ADGRE1: variants seen among roughly 807,000 people sequenced by gnomAD.
ADGRE1 encodes the protein adhesion G protein-coupled receptor E1.
ADGRE1 carries 82 observed loss-of-function variants against 102.7 expected under a neutral mutation model. That is an observed-to-expected ratio of 0.80 (90% confidence interval 0.67 to 0.96). The LOEUF is 0.96. Among genes scored for constraint, ADGRE1 ranks in the 40% least tolerant of loss-of-function variants. ADGRE1 has a pLI of 0.00. For synonymous variants in ADGRE1, 398 were observed against 399.6 expected, an observed-to-expected ratio of 1.00 and a Z score of 0.05; for missense variants, 1,032 against 1,085.3, an observed-to-expected ratio of 0.95 and a Z score of 0.69.
chr19:6,903,526 C>G (rs454176), intron 6 of ADGRE1, among the ~76,000 whole-genome samples: 56,265 of 151,988 alleles, frequency 0.37, 12,237 homozygotes, highest in African/African-American at 0.6. Context: ...TTCCTTAGAG[C>G]CTTGGTGTTC....
intron 17 of ADGRE1, among the ~76,000 whole-genome samples, chr19:6,934,025 C>T (rs1052406038): frequency 1.3e-5 from 2 of 152,140 alleles, no homozygotes; most frequent in Admixed American, 1.3e-4. Flanking sequence ...TGAGAACAAG[C>T]AAAGGCTGTT....
At chr19:6,899,699 C>T (rs1177054761) in intron 5 of ADGRE1, among the ~76,000 whole-genome samples, 1 of 151,110 alleles carries the variant, frequency 6.6e-6, no homozygotes, top group Non-Finnish European at 1.5e-5. Context: ...AAATACCCAA[C>T]AACAAGAAGA....
At chr19:6,902,210 T>C (rs1431363967) in intron 6 of ADGRE1, among the ~76,000 whole-genome samples, 189 bp downstream of exon 6, 2 of 152,118 alleles carry the variant, frequency 1.3e-5, no homozygotes, top group African/African-American at 4.8e-5. Context: ...TTCTAGGCAC[T>C]GGGGATAGAG....
chr19:6,911,384 A>ATTTTTTTTTTTTT (rs1974168471), intron 10 of ADGRE1, among the ~76,000 whole-genome samples: 1 of 34,766 alleles, frequency 2.9e-5, no homozygotes, highest in Non-Finnish European at 9.7e-5. Flanking sequence ...GATTCCTTTT[A>ATTTTTTTTTTTTT]GTTTTTTTTT....
At chr19:6,924,578 A>G (rs1974804614) in intron 14 of ADGRE1, 100 bp from the exon 15 acceptor site, 3 of 1,007,232 alleles carry the variant, frequency 3.0e-6, no homozygotes, top group East Asian at 2.5e-5. Flanking sequence ...AATTCCCCCA[A>G]GCTAATTTTG....
chr19:6,911,384 A>ATTTTTTTTTTTTTTTT (rs1974168471), intron 10 of ADGRE1, among the ~76,000 whole-genome samples: 2 of 34,762 alleles, frequency 5.8e-5, no homozygotes, highest in Non-Finnish European at 1.9e-4. Flanking sequence ...GATTCCTTTT[A>ATTTTTTTTTTTTTTTT]GTTTTTTTTT....
At chr19:6,921,637 G>A in intron 13 of ADGRE1, 76 bp from the exon 14 acceptor site, 6 of 1,434,658 alleles carry the variant, frequency 4.2e-6, no homozygotes, top group Non-Finnish European at 5.5e-6. Context: ...AGTGACTCTT[G>A]AGGATGGTCA....
At chr19:6,918,119 G>C (rs915381902) in intron 12 of ADGRE1, among the ~76,000 whole-genome samples, 9 of 152,100 alleles carry the variant, frequency 5.9e-5, no homozygotes, top group African/African-American at 2.2e-4. Flanking sequence ...GGTAATATCA[G>C]TTATTGAAGT....
intron 17 of ADGRE1, among the ~76,000 whole-genome samples, chr19:6,929,078 G>A (rs553764392): frequency 5.5e-4 from 84 of 152,188 alleles, no homozygotes; most frequent in African/African-American, 1.9e-3. Context: ...AATTGTATCC[G>A]TCTTGTGCAC....
chr19:6,916,571 C>G (rs550255903), intron 12 of ADGRE1, among the ~76,000 whole-genome samples: 5 of 151,562 alleles, frequency 3.3e-5, no homozygotes, highest in African/African-American at 1.2e-4. Flanking sequence ...GAGACCTTCA[C>G]TGGCCTATAT....
intron 12 of ADGRE1, 109 bp from the exon 13 acceptor site, chr19:6,919,439 C>A: frequency 1.9e-6 from 1 of 522,322 alleles, no homozygotes. Context: ...CCCCTCCCTC[C>A]CTCTGTGTGT....
At chr19:6,933,715 A>G (rs1186018610) in intron 17 of ADGRE1, among the ~76,000 whole-genome samples, 1 of 152,124 alleles carries the variant, frequency 6.6e-6, no homozygotes, top group Non-Finnish European at 1.5e-5. Context: ...TTACAACTAG[A>G]GAGGTGGGTT....
At chr19:6,900,458 C>T (rs1392840454) in intron 5 of ADGRE1, among the ~76,000 whole-genome samples, 1 of 152,160 alleles carries the variant, frequency 6.6e-6, no homozygotes, top group Non-Finnish European at 1.5e-5. Context: ...GCATTCCAGC[C>T]TGGATAACAG....
chr19:6,922,689 G>A (rs180748711), intron 14 of ADGRE1, among the ~76,000 whole-genome samples: 2 of 151,964 alleles, frequency 1.3e-5, no homozygotes, highest in East Asian at 3.9e-4. Flanking sequence ...GTTTCCAAGA[G>A]AGCCGATGAT....
chr19:6,902,492 G>A (rs1196714457), intron 6 of ADGRE1, among the ~76,000 whole-genome samples: 1 of 152,106 alleles, frequency 6.6e-6, no homozygotes, highest in Non-Finnish European at 1.5e-5. Flanking sequence ...CCAGGCTGGA[G>A]TGCAGTGGTA....
At chr19:6,892,358 T>A (rs1242443868) in intron 2 of ADGRE1, among the ~76,000 whole-genome samples, 1 of 152,196 alleles carries the variant, frequency 6.6e-6, no homozygotes, top group Non-Finnish European at 1.5e-5. Context: ...TTTTCCATAC[T>A]CCTAATTGAT....
chr19:6,891,776 T>A (rs913322904), intron 2 of ADGRE1, among the ~76,000 whole-genome samples: 1 of 152,000 alleles, frequency 6.6e-6, no homozygotes, highest in Non-Finnish European at 1.5e-5. Context: ...CAAAAGGGCT[T>A]TATTGAGATG....
At position 6,934,764 on chromosome 19, in the gene ADGRE1, A is replaced by ATTTTTT. The variant is rs371829373; in HGVS notation, c.2290-212_2290-207dup. On this transcript the variant is annotated intron_variant, in intron 17 of 20. Transcript: ENST00000312053. ...AGGCATCCACCACCATGCATGGCTA[A>ATTTTTT]TTTTTTTTTTTTTTTTGTATTTTAG... 4.3e-3 allele frequency among the ~76,000 whole-genome samples: 588 copies of ATTTTTT among 136,788 alleles called. 6 individuals are homozygous for ATTTTTT. The highest frequency in any genetic ancestry group is 0.014 in the African/African-American group (512 of 37,074). 89.7% of individuals were successfully genotyped at this position (136,788 alleles called of 152,430 possible).
chr19:6,894,397 C>T (rs1162968963), intron 2 of ADGRE1, among the ~76,000 whole-genome samples: 1 of 152,016 alleles, frequency 6.6e-6, no homozygotes, highest in Admixed American at 6.6e-5. Flanking sequence ...TGATGAATTC[C>T]ATAAAAGAAG....
Sources: allele counts gnomAD v4.1 joint callset (sites outside exome capture counted in the v4.1 genomes callset), GRCh38; gene constraint gnomAD v4.1.1; transcripts MANE v1.5; gene names NCBI Gene and HGNC (gene_info 2026-07-23, HGNC 2026-07-21).